Variants in AGO2 observed in about 807,000 individuals in gnomAD.
AGO2 encodes the protein protein argonaute-2.
In AGO2, 5 loss-of-function variants were observed where a neutral mutation model predicts 102.3. That is an observed-to-expected ratio of 0.05 (90% CI 0.03 to 0.10). The LOEUF is 0.10. AGO2 is among the 10% of genes least tolerant of loss of function. The pLI, the probability that AGO2 is intolerant of heterozygous loss-of-function variation, is 1.00. For synonymous variants in AGO2, 449 were observed against 473.1 expected, an observed-to-expected ratio of 0.95 and a Z score of 0.66; for missense variants, 541 against 1,183.7, an observed-to-expected ratio of 0.46 and a Z score of 7.97.
intron 1 of AGO2, among the ~76,000 whole-genome samples, chr8:140,625,055 G>A (rs1299150092): frequency 1.3e-5 from 2 of 152,126 alleles, no homozygotes; most frequent in Non-Finnish European, 2.9e-5. Context: ...CTAACACAGT[G>A]GCCACAGGGA....
At chr8:140,556,138 G>C in intron 9 of AGO2, 29 bp downstream of exon 9, 1 of 1,613,834 alleles carries the variant, frequency 6.2e-7, no homozygotes, top group Non-Finnish European at 8.5e-7. Flanking sequence ...GGATTCCACA[G>C]GGCAGCCCTG....
At chr8:140,562,948 A>G (rs77963994) in intron 3 of AGO2, among the ~76,000 whole-genome samples, 4,140 of 152,232 alleles carry the variant, frequency 0.027, 181 homozygotes, top group African/African-American at 0.093. Context: ...CTCTCCTCCC[A>G]GTCTCTGAAT....
chr8:140,568,502 C>T (rs1258805749), intron 3 of AGO2, among the ~76,000 whole-genome samples: 6 of 152,116 alleles, frequency 3.9e-5, no homozygotes, highest in Admixed American at 2.6e-4. Flanking sequence ...CTGACCTGGA[C>T]GGGGCCTCCC....
At chr8:140,545,973 T>C (rs900535760) in intron 13 of AGO2, among the ~76,000 whole-genome samples, 4 of 152,212 alleles carry the variant, frequency 2.6e-5, no homozygotes, top group Non-Finnish European at 5.9e-5. Context: ...GGTCCTCTCA[T>C]GGCTCTGCTG....
chr8:140,629,657 C>G (rs886802901), intron 1 of AGO2, among the ~76,000 whole-genome samples: 10 of 151,684 alleles, frequency 6.6e-5, no homozygotes, highest in African/African-American at 2.2e-4. Context: ...CCGGGCAACA[C>G]AGGGAAACCC....
chr8:140,530,286 C>G lies in AGO2; in HGVS notation c.*1758G>C, dbSNP rs1487540052. On this transcript the variant is annotated 3_prime_UTR_variant, in exon 19 of 19. Coordinates refer to ENST00000220592, the MANE Select transcript of AGO2 (RefSeq NM_012154.5). ...CGGCTTGCTGCCCCTCCTGCTGCCT[C>G]CAAAGCAGCTGAGCACAAAGGTGGG... is the stretch of plus-strand genomic sequence containing the variant. 1 of 148,400 alleles carries G rather than the reference C, an allele frequency of 6.7e-6. No homozygotes were observed. The allele number at this position is 148,400 out of a possible 1,614,324, so 9.2% of individuals were successfully genotyped here.
chr8:140,617,499 T>C (rs71514686), intron 1 of AGO2, among the ~76,000 whole-genome samples: 4 of 152,140 alleles, frequency 2.6e-5, no homozygotes, highest in Non-Finnish European at 5.9e-5. Context: ...GTGATCCACC[T>C]GCCTCAGCCT....
chr8:140,640,730 A>G, the AGO2 span, among the ~76,000 whole-genome samples: 2 of 152,082 alleles, frequency 1.3e-5, no homozygotes, highest in Non-Finnish European at 2.9e-5. Context: ...CATATTGGCC[A>G]GGCTGGTCTC....
At chr8:140,619,318 C>T (rs183204100) in intron 1 of AGO2, among the ~76,000 whole-genome samples, 25 of 152,352 alleles carry the variant, frequency 1.6e-4, no homozygotes, top group Admixed American at 6.5e-4. Flanking sequence ...CAACAACGAC[C>T]TCACTTTCCA....
chr8:140,622,254 TAATCCACATGGGGTCTCCTCTTGGGG>T (rs2074227739), intron 1 of AGO2, among the ~76,000 whole-genome samples: 1 of 151,144 alleles, frequency 6.6e-6, no homozygotes, highest in East Asian at 1.9e-4. Flanking sequence ...GGTGACTACT[TAATCCACATGGGGTCTCCTCTTGGGG>T]GAATAATGCA....
intron 1 of AGO2, among the ~76,000 whole-genome samples, chr8:140,630,739 C>T (rs2074331752): frequency 1.3e-5 from 2 of 152,222 alleles, no homozygotes; most frequent in African/African-American, 4.8e-5. Context: ...CTCCAGTTAT[C>T]TTCCGTATTT....
At chr8:140,594,390 T>G (rs1161492433) in intron 1 of AGO2, among the ~76,000 whole-genome samples, 1 of 152,192 alleles carries the variant, frequency 6.6e-6, no homozygotes, top group African/African-American at 2.4e-5. Flanking sequence ...ATTTTAAAAT[T>G]TAATAACCTT....
chr8:140,594,825 C>CTGTG (rs56012516), intron 1 of AGO2, among the ~76,000 whole-genome samples: 15,772 of 146,046 alleles, frequency 0.11, 868 homozygotes, highest in African/African-American at 0.12. Context: ...AAGAAAAAAA[C>CTGTG]TGTGTGTGTG....
intron 2 of AGO2, among the ~76,000 whole-genome samples, chr8:140,579,897 G>T (rs1157427465): frequency 6.6e-6 from 1 of 152,226 alleles, no homozygotes; most frequent in East Asian, 1.9e-4. Context: ...ATGCTGCCTG[G>T]CCCCCTGCTC....
At chr8:140,599,411 G>C (rs1035521393) in intron 1 of AGO2, among the ~76,000 whole-genome samples, 7 of 152,142 alleles carry the variant, frequency 4.6e-5, no homozygotes, top group African/African-American at 1.4e-4. Flanking sequence ...GGATTCCAAG[G>C]GTTCAACGTC....
Position 140,557,581 on chromosome 8 carries a change from C to T in AGO2, c.879-345G>A, listed in dbSNP as rs775777349. On this transcript the variant is annotated intron_variant, in intron 7 of 18. Transcript: ENST00000220592. This position sits in a 1 kb window ranked among gnomAD's most constrained non-coding sequence, Gnocchi z 5.9. ...CCGTGGTGACCCTGGAAGCCTTTTA[C>T]GTGCCGCGCGCTCCCGGTGCCCAGA... is the stretch of plus-strand genomic sequence containing the variant. Among the ~76,000 whole-genome samples the T allele has an allele frequency of 1.1e-4, 17 of 152,192 alleles. No individual in the cohort carries two copies. Among genetic ancestry groups the T allele is most frequent in the Non-Finnish European group, 2.1e-4 (14 of 68,040 alleles).
At chr8:140,594,746 C>G (rs1032952736) in intron 1 of AGO2, among the ~76,000 whole-genome samples, 2 of 151,586 alleles carry the variant, frequency 1.3e-5, no homozygotes, top group African/African-American at 2.4e-5. Context: ...GAGGTCAAGG[C>G]TGCAGTGATC....
chr8:140,591,306 G>C (rs1216162199), intron 1 of AGO2, among the ~76,000 whole-genome samples: 1 of 152,198 alleles, frequency 6.6e-6, no homozygotes. Flanking sequence ...ACGTGAGCAG[G>C]GGAGCAGTCA....
intron 3 of AGO2, among the ~76,000 whole-genome samples, chr8:140,570,695 GT>G (rs1406838486): frequency 1.3e-5 from 2 of 152,186 alleles, no homozygotes; most frequent in African/African-American, 2.4e-5. Flanking sequence ...CTGGGAAGTA[GT>G]TTTTATTGCC....
Sources: gnomAD v4.1 joint callset for allele counts (sites outside exome capture counted in the v4.1 genomes callset) on GRCh38, gnomAD v4.1.1 for gene constraint, Gnocchi (gnomAD v3.1) non-coding constraint, MANE v1.5 for transcripts, NCBI Gene and HGNC (gene_info 2026-07-23, HGNC 2026-07-21) for gene names.